Variants in FASTKD5 observed in about 807,000 individuals in gnomAD.
FASTKD5 encodes non-canonical pre-mRNAs endonuclease FASTKD5, mitochondrial.
A neutral mutation model predicts 44.0 loss-of-function variants in FASTKD5; 30 were observed. The observed-to-expected ratio is 0.68, with a 90% CI of 0.51 to 0.93. The LOEUF is 0.93. Ranked by LOEUF, FASTKD5 falls within the 40% of genes least tolerant of loss-of-function variation. The pLI, the probability that FASTKD5 is intolerant of heterozygous loss-of-function variation, is 0.00. For missense variants in FASTKD5, 868 were observed against 908.2 expected, an observed-to-expected ratio of 0.96 and a Z score of 0.57; for synonymous variants, 335 against 342.2, an observed-to-expected ratio of 0.98 and a Z score of 0.23.
chr20:3,159,445 C>T (rs954522883), intron 1 of FASTKD5, among the ~76,000 whole-genome samples: 4 of 152,222 alleles, frequency 2.6e-5, no homozygotes, highest in Admixed American at 2.0e-4. Context: ...AGAGGCGCGG[C>T]AGAATATCTG....
rs1309489843 is a variant in FASTKD5 at position 3,149,005 on chromosome 20, A to G, written c.66T>C (p.Phe22=). The G allele has an allele frequency of 1.9e-6, 3 of 1,613,996 alleles. No individual in the cohort carries two copies. In the African/African-American group the frequency reaches 4.0e-5, roughly 22 times the overall value. Residue 22 remains phenylalanine (F), a synonymous_variant, in exon 2 of 2, where the codon TTT becomes TTC. Transcript: ENST00000380266. The surrounding 1 kb of genome is among the most constrained non-coding windows in gnomAD (Gnocchi z 4.1). The part of the protein sequence containing the change: ...RYRAFCSPSA[F]GAVRSVSYWN... ...AGTATGACACACTTCGGACTGCACC[A>G]AAGGCAGAAGGACTGCAAAATGCTC...
chr20:3,150,076 T>G (rs900981542), intron 1 of FASTKD5, among the ~76,000 whole-genome samples: 2 of 152,050 alleles, frequency 1.3e-5, no homozygotes, highest in African/African-American at 4.8e-5. Context: ...CCTGTTCTTA[T>G]AGCGCAAAAC....
At position 3,147,247 on chromosome 20, in the gene FASTKD5, C is replaced by T. The variant is rs148683052; in HGVS notation, c.1824G>A (p.Thr608=). ...TTAATTTGGCTACATTTTCAGCCGG[C>T]GTGGCTTCTCTATTAAATGGTAATG... The part of the protein sequence containing the change: ...LKPLPFNREA[T]PAENVAKLRL... Residue 608 remains threonine, a synonymous_variant, in exon 2 of 2, where the codon ACG becomes ACA. Coordinates refer to ENST00000380266, the MANE Select transcript of FASTKD5 (RefSeq NM_021826.5). The T allele has an allele frequency of 1.2e-5, 19 of 1,614,056 alleles. No homozygotes were observed. The highest frequency in any genetic ancestry group is 1.5e-5 in the Non-Finnish European group (18 of 1,180,040).
chr20:3,147,674 T>C lies in FASTKD5; in HGVS notation c.1397A>G (p.Asn466Ser). 3 of 1,614,246 alleles carry C rather than the reference T, an allele frequency of 1.9e-6. No individual in the cohort carries two copies. The highest frequency in any genetic ancestry group is 1.1e-5 in the South Asian group (1 of 91,092). ...SEIHRKMPEF[N>S]QYPEHLPTCL... is the part of the protein sequence containing the mutation. ...GGTGGGCAGGTGTTCTGGGTACTGG[T>C]TGAATTCAGGCATCTTTCTGTGAAT... is the stretch of plus-strand genomic sequence containing the variant. The change falls in exon 2 of 2, where the codon AAC (asparagine) becomes AGC (serine). Residue 466 changes from asparagine to serine, a missense_variant. By Grantham distance (46) the Asn-to-Ser change is conservative (BLOSUM62 1). Transcript: ENST00000380266.
chr20:3,152,736 C>T (rs1025278055), intron 1 of FASTKD5, among the ~76,000 whole-genome samples: 4 of 151,848 alleles, frequency 2.6e-5, no homozygotes, highest in Admixed American at 6.6e-5. Flanking sequence ...GGGGAAACGC[C>T]ATCTCTACTA....
chr20:3,152,797 T>C (rs1330346089), intron 1 of FASTKD5, among the ~76,000 whole-genome samples: 2 of 151,700 alleles, frequency 1.3e-5, no homozygotes, highest in African/African-American at 2.4e-5. Context: ...TCCCAGCTAC[T>C]TGAGAGGCTG....
rs757793040 is a variant in FASTKD5 at position 3,148,363 on chromosome 20, T to C, written c.708A>G (p.Val236=). ...GGAGCTGATCCATATTCATCTCCCATACCTGATGGCAACACTTGGTCTCAT... is the reference window on the plus strand; with the variant it reads ...GGAGCTGATCCATATTCATCTCCCACACCTGATGGCAACACTTGGTCTCAT... The part of the protein sequence containing the change: ...DVYETKCCHQ[V]WEMNMDQLLL... The change falls in exon 2 of 2, where the codon GTA becomes GTG. Residue 236 remains valine (V), a synonymous_variant. Transcript: ENST00000380266. 6.2e-7 allele frequency: 1 copy of C among 1,614,162 alleles called. No homozygotes were observed. Among genetic ancestry groups the C allele is most frequent in the South Asian group, 1.1e-5 (1 of 91,082 alleles).
chr20:3,147,499 C>T lies in FASTKD5; in HGVS notation c.1572G>A (p.Glu524=), dbSNP rs756561153. 1.9e-6 allele frequency: 3 copies of T among 1,614,212 alleles called. No individual in the cohort carries two copies. In the East Asian group the frequency reaches 6.7e-5, roughly 36 times the overall value. Residue 524 remains glutamate, a synonymous_variant, in exon 2 of 2, where the codon GAG becomes GAA. Transcript: ENST00000380266. ...GACGATTGCCTCTGTAATCTGGACACTCAATGCCAACTGTACCATCGAGGG... is the reference window on the plus strand; with the variant it reads ...GACGATTGCCTCTGTAATCTGGACATTCAATGCCAACTGTACCATCGAGGG... ...LYTLDGTVGI[E]CPDYRGNRLS... is the part of the protein sequence containing the mutation.
At chr20:3,151,708 T>A (rs2066626952) in intron 1 of FASTKD5, 1 of 151,968 alleles carries the variant, frequency 6.6e-6, no homozygotes, top group African/African-American at 2.4e-5. Context: ...ACTAAAATAA[T>A]GTTTTTCTTT....
In FASTKD5 at chr20:3,147,137, T is replaced by C. The variant is rs1341668364; in HGVS notation, c.1934A>G (p.Lys645Arg). Reference protein sequence around the residue: ...KGKARGHFQGKTESEPGQQPM... With the variant: ...KGKARGHFQGRTESEPGQQPM... ...CTGCTGCCCAGGCTCTGACTCAGTT[T>C]TGCCCTGGAAATGTCCTCTTGCTTT... Residue 645 changes from lysine (K) to arginine (R), a missense_variant, in exon 2 of 2, where the codon AAA becomes AGA. Coordinates refer to ENST00000380266, the MANE Select transcript of FASTKD5 (RefSeq NM_021826.5). The C allele has an allele frequency of 1.5e-5, 24 of 1,613,722 alleles. No homozygotes were observed. Among genetic ancestry groups the C allele is most frequent in the Non-Finnish European group, 1.9e-5 (23 of 1,180,058 alleles).
rs200068528 is a variant in FASTKD5 at position 3,147,596 on chromosome 20, A to C, written c.1475T>G (p.Phe492Cys). 5 of 1,614,224 alleles carry C rather than the reference A, an allele frequency of 3.1e-6. No homozygotes were observed. The East Asian group carries it at 1.1e-4, about 36-fold the overall frequency. The change falls in exon 2 of 2, where the codon TTC becomes TGC. Residue 492 changes from phenylalanine (F) to cysteine (C), a missense_variant. Physicochemically the swap from Phe to Cys is radical, Grantham distance 205 (BLOSUM62 -2). Coordinates refer to ENST00000380266, the MANE Select transcript of FASTKD5 (RefSeq NM_021826.5). Reference sequence around the variant, plus strand: ...CCTGACAAACCCTGGACTGAGAGCGAAATCAATTAACTCTACTGGAAAGTA... The same window carrying C: ...CCTGACAAACCCTGGACTGAGAGCGCAATCAATTAACTCTACTGGAAAGTA... ...LEYFPVELID[F>C]ALSPGFVRLA...
At chr20:3,159,073 G>C (rs1487712097) in intron 1 of FASTKD5, among the ~76,000 whole-genome samples, 1 of 152,090 alleles carries the variant, frequency 6.6e-6, no homozygotes, top group Non-Finnish European at 1.5e-5. Context: ...GGGACCCAAA[G>C]TTCCCTGAGT....
rs2066606313 is a variant in FASTKD5 at position 3,149,832 on chromosome 20, A to C, written c.-190-572T>G. 6.6e-6 allele frequency among the ~76,000 whole-genome samples: 1 copy of C among 152,234 alleles called. No homozygotes were observed. The highest frequency in any genetic ancestry group is 2.4e-5 in the African/African-American group (1 of 41,530). Reference sequence around the variant, plus strand: ...CAGGAGTTCAAGACCAGCCTGGCCAACAAGGCGAAATCCCGTCTCTATTAA... The same window carrying C: ...CAGGAGTTCAAGACCAGCCTGGCCACCAAGGCGAAATCCCGTCTCTATTAA... On this transcript the variant is annotated intron_variant, in intron 1 of 1. Transcript: ENST00000380266. This position sits in a 1 kb window ranked among gnomAD's most constrained non-coding sequence, Gnocchi z 4.1.
intron 1 of FASTKD5, among the ~76,000 whole-genome samples, chr20:3,158,219 C>G (rs1346865561): frequency 6.6e-6 from 1 of 152,118 alleles, no homozygotes; most frequent in East Asian, 1.9e-4. Flanking sequence ...AATCCTTCCA[C>G]TTCGGCCTCC....
At position 3,147,625 on chromosome 20, in the gene FASTKD5, C is replaced by T. The variant is rs368278630; in HGVS notation, c.1446G>A (p.Leu482=). The change falls in exon 2 of 2, where the codon TTG becomes TTA. Residue 482 remains leucine (L), a synonymous_variant. Coordinates refer to ENST00000380266, the MANE Select transcript of FASTKD5 (RefSeq NM_021826.5). ...LPTCLLGLAF[L]EYFPVELIDF... ...CAATTAACTCTACTGGAAAGTACTC[C>T]AAAAATGCCAGGCCCAGCAGGCAGG... is the stretch of plus-strand genomic sequence containing the variant. The T allele has an allele frequency of 1.2e-6, 2 of 1,614,198 alleles. No individual in the cohort carries two copies. Among genetic ancestry groups the T allele is most frequent in the Non-Finnish European group, 1.7e-6 (2 of 1,180,038 alleles).
rs762910834 is a variant in FASTKD5, at chr20:3,148,059, G to A, written c.1012C>T (p.Arg338Trp). 6.6e-5 allele frequency: 107 copies of A among 1,613,932 alleles called. No homozygotes were observed. Among genetic ancestry groups the A allele is most frequent in the Middle Eastern group, 1.6e-4 (1 of 6,084 alleles). The part of the protein sequence containing the change: ...SSTNLSEFVM[R>W]KIGDLACANI... Reference sequence around the variant, plus strand: ...GCACAAGCCAAGTCTCCAATTTTCCGCATGACAAATTCAGAGAGATTAGTA... The same window carrying A: ...GCACAAGCCAAGTCTCCAATTTTCCACATGACAAATTCAGAGAGATTAGTA... Residue 338 changes from arginine (R) to tryptophan (W), a missense_variant, in exon 2 of 2, where the codon CGG becomes TGG. Physicochemically the swap from Arg to Trp is moderately radical, Grantham distance 101. Coordinates refer to ENST00000380266, the MANE Select transcript of FASTKD5 (RefSeq NM_021826.5).
chr20:3,148,286 A>T lies in FASTKD5; in HGVS notation c.785T>A (p.Leu262Ter). Residue 262 changes from leucine (L) to a stop codon, truncating the protein, a stop_gained, in exon 2 of 2, where the codon TTA becomes TAA. Coordinates refer to ENST00000380266, the MANE Select transcript of FASTKD5 (RefSeq NM_021826.5). LOFTEE classifies it high-confidence loss of function. The part of the protein sequence containing the change: ...RYLGRKVPRF[L>*]NIFSSYLNLH... Reference sequence around the variant, plus strand: ...ATTAAGATAACTAGAAAAAATGTTTAAAAACCTAGGTACTTTGCGGCCTAA... The same window carrying T: ...ATTAAGATAACTAGAAAAAATGTTTTAAAACCTAGGTACTTTGCGGCCTAA... The T allele has an allele frequency of 6.2e-7, 1 of 1,611,652 alleles. No homozygotes were observed. Among genetic ancestry groups the T allele is most frequent in the African/African-American group, 1.3e-5 (1 of 74,774 alleles).
Position 3,146,666 on chromosome 20 carries a change from C to T in FASTKD5, c.*110G>A. 1 of 1,320,250 alleles carries T rather than the reference C, an allele frequency of 7.6e-7. No homozygotes were observed. Among genetic ancestry groups the T allele is most frequent in the Non-Finnish European group, 1.0e-6 (1 of 955,036 alleles). The allele number at this position is 1,320,250 out of a possible 1,614,324, so 81.8% of individuals were successfully genotyped here. A position where few individuals can be genotyped will look rare whatever the true frequency, so the allele number is the denominator to read the frequency against. On this transcript the variant is annotated 3_prime_UTR_variant, in exon 2 of 2. Coordinates refer to ENST00000380266, the MANE Select transcript of FASTKD5 (RefSeq NM_021826.5). ...TGCCTTGGATACAATTAAGTCTCCT[C>T]AACACACTATTTTATCGCCAAACTT...
At chr20:3,158,566 C>A (rs184938981) in intron 1 of FASTKD5, among the ~76,000 whole-genome samples, 2 of 152,154 alleles carry the variant, frequency 1.3e-5, no homozygotes, top group Non-Finnish European at 2.9e-5. Context: ...CTCCGCCTCC[C>A]GGGGTTCACG....
Sources: gnomAD v4.1 joint callset for allele counts (sites outside exome capture counted in the v4.1 genomes callset) on GRCh38, gnomAD v4.1.1 for gene constraint, Gnocchi (gnomAD v3.1) non-coding constraint, MANE v1.5 for transcripts, NCBI Gene and HGNC (gene_info 2026-07-23, HGNC 2026-07-21) for gene names.